Variants in TRIP13 observed in about 807,000 individuals in gnomAD.
TRIP13 encodes the protein pachytene checkpoint protein 2 homolog.
Under a neutral mutation model 54.4 loss-of-function variants are expected in TRIP13, and 25 were observed. The observed-to-expected ratio is 0.46, with a 90% CI of 0.33 to 0.64. The LOEUF is 0.64. TRIP13 is among the 30% of genes least tolerant of loss of function. The probability of loss-of-function intolerance (pLI) is 0.02; values close to 1 mark genes in which losing one functional copy is unlikely to be tolerated. For missense variants in TRIP13, 373 were observed against 534.2 expected (o/e 0.70, Z 2.97); for synonymous variants, 207 against 207.8 (o/e 1.00, Z 0.03).
chr5:901,114 CTCT>C (rs1753977839), intron 4 of TRIP13, among the ~76,000 whole-genome samples: 3 of 152,288 alleles, frequency 2.0e-5, no homozygotes, highest in African/African-American at 7.2e-5. Flanking sequence ...CATTTTGTTG[CTCT>C]TCTTATATTT....
chr5:915,203 T>A lies in TRIP13; in HGVS notation c.1133+626T>A, dbSNP rs1754319201. ...GATTTGGATTATCTGTTGAAGAGAT[T>A]TAAATCAGTTAAGATGGGAACGAAG... On this transcript the variant is annotated intron_variant, in intron 11 of 12. Transcript: ENST00000166345. The surrounding 1 kb of genome is among the most constrained non-coding windows in gnomAD (Gnocchi z 4.2). 6.6e-6 allele frequency among the ~76,000 whole-genome samples: 1 copy of A among 152,254 alleles called. No individual in the cohort carries two copies. The highest frequency in any genetic ancestry group is 6.5e-5 in the Admixed American group (1 of 15,286).
rs2150690254 is a variant in TRIP13 at position 911,484 on chromosome 5, T to C, written c.867-359T>C. 6.7e-6 allele frequency among the ~76,000 whole-genome samples: 1 copy of C among 150,048 alleles called. No individual in the cohort carries two copies. The highest frequency in any genetic ancestry group is 2.1e-4 in the South Asian group (1 of 4,752). On this transcript the variant is annotated intron_variant, in intron 9 of 12. Transcript: ENST00000166345. This position sits in a 1 kb window ranked among gnomAD's most constrained non-coding sequence, Gnocchi z 4.7. ...TACTTGGGAGGCTGAGGCAGGAGAA[T>C]GGTGTGAACCGGCGAGGCGGAGCTT... is the stretch of plus-strand genomic sequence containing the variant.
At chr5:894,675 C>T (rs1753868420) in intron 1 of TRIP13, 112 bp from the exon 2 acceptor site, 1 of 1,283,328 alleles carries the variant, frequency 7.8e-7, no homozygotes, top group African/African-American at 1.5e-5. Flanking sequence ...CCAACTTACC[C>T]TGTTAACTAC....
intron 5 of TRIP13, among the ~76,000 whole-genome samples, chr5:901,825 G>A (rs1042702205): frequency 6.6e-5 from 10 of 152,100 alleles, no homozygotes; most frequent in African/African-American, 2.2e-4. Context: ...GTTTCACCAC[G>A]TTGACCAGGC....
chr5:912,101 C>A lies in TRIP13; in HGVS notation c.1020+105C>A, dbSNP rs1051525921. The A allele has an allele frequency of 1.5e-6, 2 of 1,377,176 alleles. No homozygotes were observed. Among genetic ancestry groups the A allele is most frequent in the Non-Finnish European group, 2.0e-6 (2 of 1,020,318 alleles). 85.3% of individuals were successfully genotyped at this position (1,377,176 alleles called of 1,614,324 possible). On this transcript the variant is annotated intron_variant, in intron 10 of 12. Coordinates refer to ENST00000166345, the MANE Select transcript of TRIP13 (RefSeq NM_004237.4). This position sits in a 1 kb window ranked among gnomAD's most constrained non-coding sequence, Gnocchi z 7.2. The stretch of plus-strand genomic sequence containing the variant: ...CTCGTTCCAGTACGGAGGATTTCAA[C>A]ATATGCATTAACTCCCTTCTTAAAT...
At chr5:909,551 G>A (rs965181484) in intron 9 of TRIP13, among the ~76,000 whole-genome samples, 2 of 152,044 alleles carry the variant, frequency 1.3e-5, no homozygotes, top group African/African-American at 4.8e-5. Flanking sequence ...AGACCAGCTC[G>A]GTCGGGGAGA....
Position 908,156 on chromosome 5 carries a change from G to C in TRIP13, c.759+82G>C. Reference sequence around the variant, plus strand: ...ACACAGCCTACTCCTGATGCTCCTAGCTTTCCCCTCCTACAGCCGGGCTGC... The same window carrying C: ...ACACAGCCTACTCCTGATGCTCCTACCTTTCCCCTCCTACAGCCGGGCTGC... On this transcript the variant is annotated intron_variant, in intron 8 of 12. Transcript: ENST00000166345. The surrounding 1 kb of genome is among the most constrained non-coding windows in gnomAD (Gnocchi z 5.2). 1 of 1,527,398 alleles carries C rather than the reference G, an allele frequency of 6.5e-7. No homozygotes were observed. The highest frequency in any genetic ancestry group is 1.1e-5 in the South Asian group (1 of 89,078). The allele number at this position is 1,527,398 out of a possible 1,614,324, so 94.6% of individuals were successfully genotyped here. A position where few individuals can be genotyped will look rare whatever the true frequency, so the allele number is the denominator to read the frequency against.
rs72703190 is a variant in TRIP13, at chr5:911,061, C to T, written c.867-782C>T. On this transcript the variant is annotated intron_variant, in intron 9 of 12. Coordinates refer to ENST00000166345, the MANE Select transcript of TRIP13 (RefSeq NM_004237.4). The surrounding 1 kb of genome is among the most constrained non-coding windows in gnomAD (Gnocchi z 4.7). ...CTGGGGGCACCTTGTGCCCGCTCTGCTGGCTCATGCTGGGTCCTTGGGGGA... is the reference window on the plus strand; with the variant it reads ...CTGGGGGCACCTTGTGCCCGCTCTGTTGGCTCATGCTGGGTCCTTGGGGGA... Among the ~76,000 whole-genome samples, 5,211 of 152,372 alleles carry T rather than the reference C, an allele frequency of 0.034. 130 individuals carry two copies. Among genetic ancestry groups the T allele is most frequent in the Non-Finnish European group, 0.049 (3,338 of 68,034 alleles).
intron 1 of TRIP13, 55 bp downstream of exon 1, chr5:893,145 C>T (rs1753722905): frequency 3.4e-6 from 5 of 1,471,130 alleles, no homozygotes; most frequent in Non-Finnish European, 4.6e-6. Context: ...CCGACCCCAG[C>T]GCGTGCACCG....
In TRIP13 at chr5:908,182, C is replaced by A; in HGVS notation, c.759+108C>A. ...CTTTCCCCTCCTACAGCCGGGCTGCCCTCTATCCCTCCCTGCACTGTGCGC... is the reference window on the plus strand; with the variant it reads ...CTTTCCCCTCCTACAGCCGGGCTGCACTCTATCCCTCCCTGCACTGTGCGC... On this transcript the variant is annotated intron_variant, in intron 8 of 12. Coordinates refer to ENST00000166345, the MANE Select transcript of TRIP13 (RefSeq NM_004237.4). The surrounding 1 kb of genome is among the most constrained non-coding windows in gnomAD (Gnocchi z 5.2). The A allele has an allele frequency of 7.0e-7, 1 of 1,423,642 alleles. No homozygotes were observed. The highest frequency in any genetic ancestry group is 9.9e-7 in the Non-Finnish European group (1 of 1,013,934). 88.2% of individuals were successfully genotyped at this position (1,423,642 alleles called of 1,614,324 possible).
Position 908,112 on chromosome 5 carries a change from G to A in TRIP13, c.759+38G>A, listed in dbSNP as rs373824077. The stretch of plus-strand genomic sequence containing the variant: ...AGATAAGGAAATTCATGACAGAATC[G>A]CCTTTTGCCATTGTGGGGACACAGC... On this transcript the variant is annotated intron_variant, in intron 8 of 12. Transcript: ENST00000166345. This position sits in a 1 kb window ranked among gnomAD's most constrained non-coding sequence, Gnocchi z 5.2. 1.2e-4 allele frequency: 198 copies of A among 1,608,410 alleles called. No homozygotes were observed. Among genetic ancestry groups the A allele is most frequent in the Non-Finnish European group, 1.5e-4 (180 of 1,174,882 alleles).
intron 2 of TRIP13, among the ~76,000 whole-genome samples, chr5:896,293 G>A (rs1287475593): frequency 2.0e-5 from 3 of 152,084 alleles, no homozygotes; most frequent in Middle Eastern, 3.2e-3. Context: ...TAGCCTGGGC[G>A]ACAAAGCAAG....
chr5:906,582 T>C (rs182084238), intron 6 of TRIP13, among the ~76,000 whole-genome samples: 157 of 152,356 alleles, frequency 1.0e-3, no homozygotes, highest in East Asian at 9.6e-4. Flanking sequence ...TCAGTTTCTC[T>C]CTGGCCTCAG....
rs1458838320 is a variant in TRIP13, at chr5:892,915, G to A, written c.-84G>A. The A allele has an allele frequency of 3.1e-6, 4 of 1,307,558 alleles. No individual in the cohort carries two copies. The highest frequency in any genetic ancestry group is 3.0e-6 in the Non-Finnish European group (3 of 997,470). The allele number at this position is 1,307,558 out of a possible 1,614,324, so 81.0% of individuals were successfully genotyped here. The stretch of plus-strand genomic sequence containing the variant: ...GAAGCTAGGGCGGGGCCCGCGGGCT[G>A]AGGCAGCGGCTGTGGCGGCGACGCT... On this transcript the variant is annotated 5_prime_UTR_variant, in exon 1 of 13. Transcript: ENST00000166345.
In TRIP13 at chr5:913,076, G is replaced by A. The variant is rs1470801574; in HGVS notation, c.1020+1080G>A. Among the ~76,000 whole-genome samples the A allele has an allele frequency of 6.6e-6, 1 of 152,140 alleles. No homozygotes were observed. The highest frequency in any genetic ancestry group is 2.4e-5 in the African/African-American group (1 of 41,430). On this transcript the variant is annotated intron_variant, in intron 10 of 12. Transcript: ENST00000166345. The surrounding 1 kb of genome is among the most constrained non-coding windows in gnomAD (Gnocchi z 4.5). ...CAGGCATGGTTTTCTTGGGGGTTGG[G>A]GAAAGGAGACGGAGCTCTGTGGAGC...
At chr5:918,436 C>T (rs1754376330), downstream of TRIP13, among the ~76,000 whole-genome samples, 1 of 152,184 alleles carries the variant, frequency 6.6e-6, no homozygotes, top group South Asian at 2.1e-4. The surrounding 1 kb of genome is among the most constrained non-coding windows in gnomAD (Gnocchi z 4.3). Context: ...CACCTCCACT[C>T]TCCAGGAGTC....
In TRIP13 at chr5:911,876, C is replaced by T. The variant is rs781439639; in HGVS notation, c.900C>T (p.Asn300=). Residue 300 remains asparagine (N), a synonymous_variant, in exon 10 of 13, where the codon AAC becomes AAT. Coordinates refer to ENST00000166345, the MANE Select transcript of TRIP13 (RefSeq NM_004237.4). The surrounding 1 kb of genome is among the most constrained non-coding windows in gnomAD (Gnocchi z 4.7). ...HSNVVILTTS[N]ITEKIDVAFV... ...ATGTTGTGATTCTGACCACTTCTAA[C>T]ATCACCGAGAAGATCGACGTGGCCT... The T allele has an allele frequency of 1.9e-6, 3 of 1,613,630 alleles. No individual in the cohort carries two copies. In the South Asian group the frequency reaches 3.3e-5, roughly 18 times the overall value.
At chr5:894,995 A>G in intron 2 of TRIP13, 43 bp downstream of exon 2, 1 of 1,537,938 alleles carries the variant, frequency 6.5e-7, no homozygotes, top group Non-Finnish European at 8.6e-7. Context: ...TTAGCTGAAT[A>G]CAAAAGGTTG....
chr5:914,560 T>G lies in TRIP13; in HGVS notation c.1116T>G (p.Leu372=), dbSNP rs1422465796. Residue 372 remains leucine, a synonymous_variant, in exon 11 of 13, where the codon CTT becomes CTG. Transcript: ENST00000166345. ...IENNVSKLSL[L]LNDISRKSEG... is the part of the protein sequence containing the mutation. ...ACAACGTGTCAAAATTGAGCCTTCT[T>G]TTGAATGACATTTCAAGGTGCAAAT... 1 of 1,613,168 alleles carries G rather than the reference T, an allele frequency of 6.2e-7. No individual in the cohort carries two copies. Among genetic ancestry groups the G allele is most frequent in the Admixed American group, 1.7e-5 (1 of 59,998 alleles).
Sources: allele counts gnomAD v4.1 joint callset (sites outside exome capture counted in the v4.1 genomes callset), GRCh38; gene constraint gnomAD v4.1.1; non-coding constraint Gnocchi (gnomAD v3.1); transcripts MANE v1.5; gene names NCBI Gene and HGNC (gene_info 2026-07-23, HGNC 2026-07-21).